The following FIG4 variants were observed in gnomAD, a reference collection of about 807,000 sequenced individuals.
FIG4 encodes polyphosphoinositide phosphatase.
A neutral mutation model predicts 118.6 loss-of-function variants in FIG4; 112 were observed. The ratio of observed to expected loss-of-function variants is 0.94; its 90% confidence interval spans 0.81 to 1.11. The LOEUF is 1.11. Ranked by LOEUF, FIG4 falls within the 50% of genes least tolerant of loss-of-function variation. The pLI is 0.00. For synonymous variants in FIG4, 369 were observed against 381.2 expected (o/e 0.97, Z 0.37); for missense variants, 969 against 1,111.7 (o/e 0.87, Z 1.83).
intron 1 of FIG4, among the ~76,000 whole-genome samples, chr6:109,712,972 AG>A (rs1331755055): frequency 6.6e-6 from 1 of 152,104 alleles, no homozygotes; most frequent in Non-Finnish European, 1.5e-5. Context: ...TTCAGTCGAC[AG>A]GTATTGTTTC....
At chr6:109,774,229 A>G (rs1191724021) in intron 15 of FIG4, among the ~76,000 whole-genome samples, 1 of 152,214 alleles carries the variant, frequency 6.6e-6, no homozygotes, top group African/African-American at 2.4e-5. Context: ...GGGGAACATG[A>G]TCCTTCTGGT....
At chr6:109,737,810 C>A (rs1776204664) in intron 6 of FIG4, among the ~76,000 whole-genome samples, 1 of 152,090 alleles carries the variant, frequency 6.6e-6, no homozygotes, top group South Asian at 2.1e-4. Flanking sequence ...TTATTCTAGG[C>A]CCCTTACGTG....
intron 1 of FIG4, among the ~76,000 whole-genome samples, chr6:109,711,216 G>A (rs775293023): frequency 5.3e-5 from 8 of 151,990 alleles, no homozygotes; most frequent in Admixed American, 1.3e-4. Context: ...TGGCTAACAC[G>A]GTGAAACCCC....
chr6:109,723,379 C>T (rs1168299371), intron 3 of FIG4, among the ~76,000 whole-genome samples: 1 of 152,168 alleles, frequency 6.6e-6, no homozygotes, highest in Non-Finnish European at 1.5e-5. Flanking sequence ...GTATATGGCT[C>T]TTTCTTTAGT....
chr6:109,719,596 G>A (rs1231440119), intron 3 of FIG4, among the ~76,000 whole-genome samples: 2 of 151,432 alleles, frequency 1.3e-5, no homozygotes, highest in East Asian at 3.9e-4. Context: ...GTCTCACTTT[G>A]TTTTCCAGGC....
intron 15 of FIG4, among the ~76,000 whole-genome samples, chr6:109,775,582 G>A (rs1777594520): frequency 6.6e-6 from 1 of 152,142 alleles, no homozygotes. Flanking sequence ...GAAGCAGAAA[G>A]AATGTAATTG....
Position 109,809,539 on chromosome 6 carries a change from A to G in FIG4, c.2546+12688A>G, listed in dbSNP as rs555570449. Among the ~76,000 whole-genome samples, 46 of 152,274 alleles carry G rather than the reference A, an allele frequency of 3.0e-4. 1 individual carries two copies. In the South Asian group the frequency reaches 9.5e-3, roughly 32 times the overall value. On this transcript the variant is annotated intron_variant, in intron 22 of 22. Coordinates refer to ENST00000230124, the MANE Select transcript of FIG4 (RefSeq NM_014845.6). ...GAGTGTGAAGGGATTCTGAGACTGA[A>G]AAGTTTGAGAACTTGTTCGCATAGG... is the stretch of plus-strand genomic sequence containing the variant.
intron 22 of FIG4, among the ~76,000 whole-genome samples, chr6:109,810,089 T>C (rs1778679660): frequency 6.6e-6 from 1 of 152,108 alleles, no homozygotes; most frequent in Admixed American, 6.5e-5. Context: ...CAGAACCTGC[T>C]CAGCAAATTT....
chr6:109,797,285 A>T (rs889929311), intron 22 of FIG4, among the ~76,000 whole-genome samples: 8 of 152,218 alleles, frequency 5.3e-5, no homozygotes, highest in African/African-American at 1.9e-4. Context: ...AAATAAACGG[A>T]ACTATGTTCA....
chr6:109,743,099 T>C lies in FIG4; in HGVS notation c.877-11T>C, dbSNP rs1776375286. The C allele has an allele frequency of 2.5e-6, 4 of 1,609,808 alleles. No individual in the cohort carries two copies. In the East Asian group the frequency reaches 8.9e-5, roughly 36 times the overall value. On this transcript the variant is annotated splice_polypyrimidine_tract_variant and intron_variant, in intron 8 of 22. Coordinates refer to ENST00000230124, the MANE Select transcript of FIG4 (RefSeq NM_014845.6). Reference sequence around the variant, plus strand: ...AACATAAAATATTTTTCAATGCACCTTTCTTTTCAGGGTGATGTTGCAAAT... The same window carrying C: ...AACATAAAATATTTTTCAATGCACCCTTCTTTTCAGGGTGATGTTGCAAAT...
intron 8 of FIG4, 48 bp downstream of exon 8, chr6:109,741,592 A>T: frequency 8.6e-7 from 1 of 1,164,338 alleles, no homozygotes; most frequent in African/African-American, 1.5e-5. Flanking sequence ...CTTTTATATC[A>T]GCTTTGCTGA....
At chr6:109,814,447 AT>A (rs76859106) in intron 22 of FIG4, among the ~76,000 whole-genome samples, 68,430 of 150,836 alleles carry the variant, frequency 0.45, 16,027 homozygotes, top group East Asian at 0.83. Flanking sequence ...TGGCCTAATG[AT>A]TTTTTTTTTA....
chr6:109,758,970 T>C (rs572708276), intron 10 of FIG4, among the ~76,000 whole-genome samples: 49 of 152,306 alleles, frequency 3.2e-4, no homozygotes, highest in Non-Finnish European at 6.2e-4. Flanking sequence ...GGAGAGGACT[T>C]GGAGAAGTAG....
chr6:109,809,971 AGTAG>A (rs945137309), intron 22 of FIG4, among the ~76,000 whole-genome samples: 19 of 152,210 alleles, frequency 1.2e-4, no homozygotes, highest in African/African-American at 4.6e-4. Context: ...TCTTCAGACC[AGTAG>A]GAAGATGGCC....
intron 22 of FIG4, among the ~76,000 whole-genome samples, chr6:109,811,973 T>C (rs1049374854): frequency 1.3e-5 from 2 of 152,092 alleles, no homozygotes; most frequent in Non-Finnish European, 2.9e-5. Context: ...TCAAATCTCA[T>C]CTTGAATTAT....
chr6:109,713,122 G>T (rs1775319495), intron 1 of FIG4, among the ~76,000 whole-genome samples: 1 of 152,220 alleles, frequency 6.6e-6, no homozygotes, highest in Non-Finnish European at 1.5e-5. Context: ...GTGCCAACGT[G>T]TAGTGACTGC....
rs1284173119 is a variant in FIG4 at position 109,735,249 on chromosome 6, G to C, written c.597G>C (p.Glu199Asp). ...CAGAAATGACCCAGAATCGCCAAGA[G>C]AGCTTTGACATCTTTGAAGATGAAG... ...LKSEMTQNRQESFDIFEDEGL... is the reference protein window; with the variant it reads ...LKSEMTQNRQDSFDIFEDEGL... The change falls in exon 6 of 23, where the codon GAG becomes GAC. Residue 199 changes from glutamate (E) to aspartate (D), a missense_variant. This residue lies in a region of FIG4 where 393 missense variants were observed against 409.4 expected (regional missense o/e 0.96). Transcript: ENST00000230124. The C allele has an allele frequency of 6.2e-7, 1 of 1,613,626 alleles. No homozygotes were observed. Among genetic ancestry groups the C allele is most frequent in the Non-Finnish European group, 8.5e-7 (1 of 1,179,670 alleles).
At chr6:109,766,954 C>A (rs1583704311) in intron 15 of FIG4, 59 bp downstream of exon 15, 2 of 1,376,164 alleles carry the variant, frequency 1.5e-6, no homozygotes, top group Non-Finnish European at 2.1e-6. Context: ...TTTTGTATGT[C>A]TTTTAAAGCT....
In FIG4 at chr6:109,801,223, G is replaced by A. The variant is rs754530825; in HGVS notation, c.2546+4372G>A. ...CCATGTATTTTAGGATTCTTCCAGCGCAGGATAAGCTGACATGTAATGCAG... is the reference window on the plus strand; with the variant it reads ...CCATGTATTTTAGGATTCTTCCAGCACAGGATAAGCTGACATGTAATGCAG... On this transcript the variant is annotated intron_variant, in intron 22 of 22. Coordinates refer to ENST00000230124, the MANE Select transcript of FIG4 (RefSeq NM_014845.6). Among the ~76,000 whole-genome samples, 26 of 152,092 alleles carry A rather than the reference G, an allele frequency of 1.7e-4. 1 individual carries two copies. The highest frequency in any genetic ancestry group is 5.8e-4 in the East Asian group (3 of 5,190).
Sources: allele counts gnomAD v4.1 joint callset (sites outside exome capture counted in the v4.1 genomes callset), GRCh38; gene constraint gnomAD v4.1.1; regional missense constraint gnomAD v4.1.1; transcripts MANE v1.5; gene names NCBI Gene and HGNC (gene_info 2026-07-23, HGNC 2026-07-21).